Variants in PTPRZ1 observed in about 807,000 individuals in gnomAD.
PTPRZ1 encodes receptor-type tyrosine-protein phosphatase zeta.
A neutral mutation model predicts 214.1 loss-of-function variants in PTPRZ1; 82 were observed. The ratio of observed to expected loss-of-function variants is 0.38; its 90% CI spans 0.32 to 0.46. The LOEUF (loss-of-function observed/expected upper bound fraction) is 0.46, where lower values mean the gene tolerates loss of function less well. PTPRZ1 is among the 20% of genes least tolerant of loss of function. The pLI, the probability that PTPRZ1 is intolerant of heterozygous loss-of-function variation, is 1.00. For synonymous variants in PTPRZ1, 945 were observed against 987.9 expected (o/e 0.96, Z 0.81); for missense variants, 2,603 against 2,748.7 (o/e 0.95, Z 1.19).
chr7:121,970,628 T>A (rs908201351), intron 3 of PTPRZ1, among the ~76,000 whole-genome samples: 1 of 152,218 alleles, frequency 6.6e-6, no homozygotes, highest in South Asian at 2.1e-4. Context: ...TTATATCCTT[T>A]GCCCACTTTT....
chr7:122,022,942 A>G (rs1190559834), intron 13 of PTPRZ1, among the ~76,000 whole-genome samples: 2 of 152,148 alleles, frequency 1.3e-5, no homozygotes, highest in African/African-American at 4.8e-5. Context: ...GATTTTAGAC[A>G]AGGATCCAAA....
rs1401235982 is a variant in PTPRZ1, at chr7:122,012,529, A to G, written c.3483A>G (p.Leu1161=). ...CTGACCCTGCTTCTAGTGAAATGTT[A>G]TCTCCTTCAACTCAGCTCTTATTTT... ...ASSDPASSEM[L]SPSTQLLFYE... is the part of the protein sequence containing the mutation. The change falls in exon 12 of 30, where the codon TTA becomes TTG. Residue 1161 remains leucine, a synonymous_variant. Transcript: ENST00000393386. The G allele has an allele frequency of 1.9e-6, 3 of 1,614,102 alleles. No homozygotes were observed. The highest frequency in any genetic ancestry group is 2.2e-5 in the East Asian group (1 of 44,874).
At chr7:122,017,011 A>G (rs575344824) in intron 12 of PTPRZ1, among the ~76,000 whole-genome samples, 14 of 152,228 alleles carry the variant, frequency 9.2e-5, no homozygotes, top group South Asian at 8.3e-4. Flanking sequence ...CTAAGTTATG[A>G]TGATGTTGAT....
intron 1 of PTPRZ1, among the ~76,000 whole-genome samples, chr7:121,887,611 TAAG>T (rs1467526069): frequency 2.0e-5 from 3 of 152,150 alleles, no homozygotes; most frequent in African/African-American, 7.2e-5. Context: ...TTCAGAGTTT[TAAG>T]AAAGAAAATT....
intron 1 of PTPRZ1, among the ~76,000 whole-genome samples, chr7:121,877,888 CAAGA>C (rs1562996453): frequency 6.6e-6 from 1 of 151,096 alleles, no homozygotes; most frequent in Non-Finnish European, 1.5e-5. Flanking sequence ...CCAATTTAAA[CAAGA>C]GAGAGATATG....
At chr7:121,927,515 G>T (rs1433321117) in intron 1 of PTPRZ1, among the ~76,000 whole-genome samples, 1 of 152,132 alleles carries the variant, frequency 6.6e-6, no homozygotes, top group Non-Finnish European at 1.5e-5. Context: ...GGGTCATGGG[G>T]CATTGACTAT....
chr7:121,962,449 A>AAATAATAATAATAATAAT (rs144574732), intron 2 of PTPRZ1, among the ~76,000 whole-genome samples: 12 of 148,444 alleles, frequency 8.1e-5, no homozygotes, highest in African/African-American at 2.3e-4. Flanking sequence ...CTCTGTCTCA[A>AAATAATAATAATAATAAT]AATAATAATA....
At chr7:122,034,512 C>T (rs900850327) in intron 17 of PTPRZ1, 134 bp downstream of exon 17, 1 of 680,452 alleles carries the variant, frequency 1.5e-6, no homozygotes, top group Middle Eastern at 2.5e-4. Context: ...AATAATAAGA[C>T]TTGTGTTAGA....
chr7:122,031,306 G>T (rs1799363059), intron 14 of PTPRZ1, among the ~76,000 whole-genome samples, 168 bp from the exon 15 acceptor site: 1 of 152,028 alleles, frequency 6.6e-6, no homozygotes, highest in Non-Finnish European at 1.5e-5. Context: ...GGTTTTGATT[G>T]ATAATAAATG....
intron 1 of PTPRZ1, among the ~76,000 whole-genome samples, chr7:121,923,340 T>C (rs1380233698): frequency 1.3e-5 from 2 of 152,208 alleles, no homozygotes; most frequent in Non-Finnish European, 2.9e-5. Context: ...ACGTGAAATA[T>C]GCAAGAAGTA....
chr7:122,044,501 A>G lies in PTPRZ1; in HGVS notation c.6017A>G (p.His2006Arg). ...ACTGAGGTGCTGGACAGTCATATTC[A>G]TGCCTATGTTAATGCACTCCTCATT... Reference protein sequence around the residue: ...KETEVLDSHIHAYVNALLIPG... With the variant: ...KETEVLDSHIRAYVNALLIPG... Residue 2006 changes from histidine (H) to arginine (R), a missense_variant, in exon 23 of 30, where the codon CAT becomes CGT. Around this residue, in one of 6 missense-constraint regions of PTPRZ1, gnomAD observed 1,913 missense variants for 1,914.3 expected, o/e 1.00. Coordinates refer to ENST00000393386, the MANE Select transcript of PTPRZ1 (RefSeq NM_002851.3). 6.2e-7 allele frequency: 1 copy of G among 1,613,956 alleles called. No individual in the cohort carries two copies. The highest frequency in any genetic ancestry group is 8.5e-7 in the Non-Finnish European group (1 of 1,179,834).
At chr7:122,008,953 G>T (rs1053467794) in intron 11 of PTPRZ1, among the ~76,000 whole-genome samples, 18 of 152,004 alleles carry the variant, frequency 1.2e-4, no homozygotes, top group Non-Finnish European at 1.8e-4. Context: ...TAGATTATAG[G>T]AATATTTTAT....
chr7:122,027,636 A>T (rs772004037), intron 13 of PTPRZ1, among the ~76,000 whole-genome samples: 4 of 152,200 alleles, frequency 2.6e-5, no homozygotes, highest in Non-Finnish European at 5.9e-5. Context: ...AATGACCTAC[A>T]TCAAAGAGTG....
chr7:122,042,899 G>T (rs1799775861), intron 22 of PTPRZ1, among the ~76,000 whole-genome samples, 156 bp downstream of exon 22: 1 of 152,178 alleles, frequency 6.6e-6, no homozygotes, highest in South Asian at 2.1e-4. Flanking sequence ...GATGTCTGTA[G>T]GCCCATGCCC....
At chr7:122,027,266 A>T (rs1322095187) in intron 13 of PTPRZ1, among the ~76,000 whole-genome samples, 1 of 152,124 alleles carries the variant, frequency 6.6e-6, no homozygotes, top group East Asian at 1.9e-4. Flanking sequence ...GAAGGAGAGG[A>T]CCAGTGTGGG....
chr7:122,009,531 T>C (rs1359785838), intron 11 of PTPRZ1, among the ~76,000 whole-genome samples: 2 of 151,624 alleles, frequency 1.3e-5, no homozygotes, highest in Non-Finnish European at 2.9e-5. Context: ...ATATACCCAG[T>C]TTTATGTATA....
chr7:121,929,538 T>C (rs1584649697), intron 2 of PTPRZ1, among the ~76,000 whole-genome samples: 1 of 148,758 alleles, frequency 6.7e-6, no homozygotes, highest in Non-Finnish European at 1.5e-5. Context: ...CCAGGTGTGG[T>C]GGCTCAAGCC....
intron 2 of PTPRZ1, among the ~76,000 whole-genome samples, chr7:121,956,582 A>G (rs1166500952): frequency 6.6e-6 from 1 of 152,244 alleles, no homozygotes; most frequent in Non-Finnish European, 1.5e-5. Context: ...AAACATAACC[A>G]CTGCTCTTTT....
chr7:121,918,056 A>G (rs1265002064), intron 1 of PTPRZ1, among the ~76,000 whole-genome samples: 3 of 152,210 alleles, frequency 2.0e-5, no homozygotes, highest in Non-Finnish European at 4.4e-5. Context: ...AAAAAAAAAA[A>G]AAAAAGGAAT....
Sources: gnomAD v4.1 joint callset for allele counts (sites outside exome capture counted in the v4.1 genomes callset) on GRCh38, gnomAD v4.1.1 for gene constraint, gnomAD v4.1.1 regional missense constraint, MANE v1.5 for transcripts, NCBI Gene and HGNC (gene_info 2026-07-23, HGNC 2026-07-21) for gene names.